STPG2: variants seen among roughly 807,000 people sequenced by gnomAD.
STPG2 encodes sperm tail PG-rich repeat containing 2, also known as sperm-tail PG-rich repeat-containing protein 2.
Under a neutral mutation model 54.2 loss-of-function variants are expected in STPG2, and 56 were observed. The observed-to-expected ratio is 1.03, with a 90% CI of 0.83 to 1.29. The LOEUF is 1.29. Ranked by LOEUF, STPG2 falls within the 50% of genes most tolerant of loss-of-function variation. STPG2 has a pLI of 0.00. For missense variants in STPG2, 596 were observed against 544.9 expected (o/e 1.09, Z -0.93); for synonymous variants, 200 against 181.8 (o/e 1.10, Z -0.81).
chr4:98,056,830 T>A (rs2110095180), intron 5 of STPG2, among the ~76,000 whole-genome samples: 1 of 152,186 alleles, frequency 6.6e-6, no homozygotes, highest in African/African-American at 2.4e-5. Context: ...TAAAAGTGTG[T>A]AGCACTTGCC....
At chr4:98,020,230 G>A (rs1392381430) in intron 5 of STPG2, among the ~76,000 whole-genome samples, 9 of 131,160 alleles carry the variant, frequency 6.9e-5, no homozygotes, top group Non-Finnish European at 8.4e-5. Flanking sequence ...AGCATGAAGG[G>A]TTGTTGAATT....
At chr4:97,878,308 T>C (rs1730249540) in intron 8 of STPG2, among the ~76,000 whole-genome samples, 1 of 152,182 alleles carries the variant, frequency 6.6e-6, no homozygotes, top group Non-Finnish European at 1.5e-5. Flanking sequence ...AGTGTCCCAA[T>C]AGGAACTGTG....
intron 10 of STPG2, among the ~76,000 whole-genome samples, chr4:97,623,298 A>T (rs1364453494): frequency 6.6e-6 from 1 of 152,178 alleles, no homozygotes; most frequent in Non-Finnish European, 1.5e-5. Context: ...TCTGCACAGC[A>T]AAATAATCTA....
chr4:97,786,634 T>G (rs183070013), intron 9 of STPG2, among the ~76,000 whole-genome samples: 6 of 152,212 alleles, frequency 3.9e-5, no homozygotes, highest in African/African-American at 1.4e-4. Flanking sequence ...TTTAAAGAAC[T>G]CTGCATGAAA....
chr4:97,475,413 G>A (rs1730045676), intron 4 of STPG2, among the ~76,000 whole-genome samples: 1 of 150,372 alleles, frequency 6.7e-6, no homozygotes, highest in South Asian at 2.1e-4. Flanking sequence ...AATGTATAAT[G>A]TATACAATGT....
intron 8 of STPG2, among the ~76,000 whole-genome samples, chr4:97,872,124 G>A (rs886718236): frequency 6.6e-6 from 1 of 150,988 alleles, no homozygotes; most frequent in Admixed American, 6.6e-5. Flanking sequence ...TCAATAAAAT[G>A]AGAATAATAA....
At chr4:97,907,540 A>C (rs1286420234) in intron 8 of STPG2, among the ~76,000 whole-genome samples, 1 of 152,016 alleles carries the variant, frequency 6.6e-6, no homozygotes, top group Non-Finnish European at 1.5e-5. Flanking sequence ...ATGGAACCAA[A>C]AAAGAGCCTA....
intron 9 of STPG2, among the ~76,000 whole-genome samples, chr4:97,736,411 C>A (rs1195844826): frequency 6.6e-6 from 1 of 152,178 alleles, no homozygotes; most frequent in Admixed American, 6.5e-5. Flanking sequence ...CGAGGCATTG[C>A]CTCACTCAGG....
rs192603803 is a variant in STPG2 at position 97,734,828 on chromosome 4, T to A, written c.1205-22014A>T. On this transcript the variant is annotated intron_variant, in intron 9 of 10. Coordinates refer to ENST00000295268, the MANE Select transcript of STPG2 (RefSeq NM_174952.3). ...TGGCTCATGCCTGTAATCCTAGCAC[T>A]TTGGGGGGCCGAGGCAGGTGGATCA... 4.2e-3 allele frequency among the ~76,000 whole-genome samples: 644 copies of A among 152,052 alleles called. 3 individuals are homozygous for A. The highest frequency in any genetic ancestry group is 0.024 in the South Asian group (117 of 4,810).
At chr4:97,555,029 A>G (rs536080814), downstream of STPG2, among the ~76,000 whole-genome samples, 2 of 152,312 alleles carry the variant, frequency 1.3e-5, no homozygotes, top group African/African-American at 4.8e-5. Context: ...GTAAATATCC[A>G]TTTGTGATGG....
At chr4:97,669,108 A>G (rs1451598277) in intron 10 of STPG2, among the ~76,000 whole-genome samples, 2 of 152,112 alleles carry the variant, frequency 1.3e-5, no homozygotes. Flanking sequence ...CTTGGCAAAT[A>G]GAGAAGAGAC....
chr4:97,764,941 A>G (rs752564535), intron 9 of STPG2, among the ~76,000 whole-genome samples: 2 of 152,226 alleles, frequency 1.3e-5, no homozygotes, highest in East Asian at 3.9e-4. Flanking sequence ...CAGAATGACT[A>G]TGCAGGGCCC....
At chr4:97,642,333 A>G (rs1370676587) in intron 10 of STPG2, among the ~76,000 whole-genome samples, 1 of 151,428 alleles carries the variant, frequency 6.6e-6, no homozygotes, top group East Asian at 1.9e-4. Context: ...AACTGAAAAT[A>G]TACTAATATT....
intron 4 of STPG2, among the ~76,000 whole-genome samples, chr4:97,459,098 C>T (rs1049881647): frequency 2.6e-5 from 4 of 151,834 alleles, no homozygotes; most frequent in Admixed American, 6.6e-5. Flanking sequence ...TAGATTCAAA[C>T]GGTTACACAA....
intron 9 of STPG2, among the ~76,000 whole-genome samples, chr4:97,764,668 A>G (rs1261655014): frequency 6.6e-6 from 1 of 152,160 alleles, no homozygotes; most frequent in African/African-American, 2.4e-5. Flanking sequence ...AATTAAAAGT[A>G]TATATATGTT....
chr4:97,849,161 C>T (rs1366038995), intron 8 of STPG2, among the ~76,000 whole-genome samples: 5 of 148,556 alleles, frequency 3.4e-5, no homozygotes, highest in African/African-American at 2.5e-5. Flanking sequence ...TTGTTTGTAT[C>T]CTCTTTTATT....
chr4:98,134,426 C>G lies in STPG2; in HGVS notation c.143G>C (p.Arg48Thr). The G allele has an allele frequency of 1.9e-6, 3 of 1,588,908 alleles. No homozygotes were observed. The highest frequency in any genetic ancestry group is 2.6e-6 in the Non-Finnish European group (3 of 1,165,156). The change falls in exon 2 of 11, where the codon AGA (arginine) becomes ACA (threonine). Residue 48 changes from arginine (R) to threonine (T), a missense_variant. By Grantham distance (71) the Arg-to-Thr change is moderately conservative (BLOSUM62 -1). Coordinates refer to ENST00000295268, the MANE Select transcript of STPG2 (RefSeq NM_174952.3). The part of the protein sequence containing the change: ...SNAPFLSLTA[R>T]ESTFTIASSI... ...AGAGGCAATGGTAAAAGTACTTTCT[C>G]TGGCAGTCAAAGAAAGAAATGGTGC...
chr4:97,656,971 C>T (rs1446869479), intron 10 of STPG2, among the ~76,000 whole-genome samples: 1 of 151,600 alleles, frequency 6.6e-6, no homozygotes, highest in Non-Finnish European at 1.5e-5. Context: ...AAAACATAGC[C>T]ATATTTGGTA....
intron 9 of STPG2, among the ~76,000 whole-genome samples, chr4:97,748,095 G>A (rs189846437): frequency 6.1e-4 from 92 of 151,412 alleles, no homozygotes; most frequent in African/African-American, 2.0e-3. Flanking sequence ...TCCTTGCTAC[G>A]GTGAAGTTAA....
Sources: allele counts gnomAD v4.1 joint callset (sites outside exome capture counted in the v4.1 genomes callset), GRCh38; gene constraint gnomAD v4.1.1; transcripts MANE v1.5; gene names NCBI Gene and HGNC (gene_info 2026-07-23, HGNC 2026-07-21).